TRAPPC9: variants seen among roughly 807,000 people sequenced by gnomAD.
TRAPPC9 encodes trafficking protein particle complex subunit 9.
A neutral mutation model predicts 124.0 loss-of-function variants in TRAPPC9; 83 were observed. The observed-to-expected ratio is 0.67, with a 90% CI of 0.56 to 0.80. TRAPPC9 has a LOEUF of 0.80. TRAPPC9 is among the 30% of genes least tolerant of loss of function. The pLI, the probability that TRAPPC9 is intolerant of heterozygous loss-of-function variation, is 0.00. For synonymous variants in TRAPPC9, 638 were observed against 617.5 expected (o/e 1.03, Z -0.49); for missense variants, 1,302 against 1,508.3 (o/e 0.86, Z 2.27).
intron 8 of TRAPPC9, 63 bp downstream of exon 8, chr8:140,370,901 G>T (rs1449102328): frequency 6.3e-7 from 1 of 1,586,516 alleles, no homozygotes; most frequent in African/African-American, 1.3e-5. Flanking sequence ...GGCAGGGGCT[G>T]AAACAGCATG....
chr8:139,854,901 A>G (rs531121675), intron 21 of TRAPPC9, among the ~76,000 whole-genome samples: 2 of 151,996 alleles, frequency 1.3e-5, no homozygotes, highest in Non-Finnish European at 2.9e-5. Flanking sequence ...GCCCCCTAAA[A>G]TCACCCAACC....
At chr8:140,138,878 G>A (rs1316662431) in intron 17 of TRAPPC9, among the ~76,000 whole-genome samples, 1 of 152,114 alleles carries the variant, frequency 6.6e-6, no homozygotes, top group Non-Finnish European at 1.5e-5. Context: ...CTAGGGAGTG[G>A]CCAATGTCTG....
At chr8:140,124,364 C>G (rs1053806121) in intron 17 of TRAPPC9, among the ~76,000 whole-genome samples, 1 of 152,178 alleles carries the variant, frequency 6.6e-6, no homozygotes, top group Admixed American at 6.5e-5. Context: ...ACAGCCCCTA[C>G]CCCTCTCTCT....
intron 19 of TRAPPC9, among the ~76,000 whole-genome samples, chr8:139,953,885 C>T (rs2131522144): frequency 6.6e-6 from 1 of 152,226 alleles, no homozygotes; most frequent in South Asian, 2.1e-4. Context: ...TAATGATATG[C>T]CACTACACAT....
intron 19 of TRAPPC9, among the ~76,000 whole-genome samples, chr8:139,937,943 C>G (rs987894781): frequency 4.6e-5 from 7 of 152,134 alleles, no homozygotes; most frequent in Admixed American, 4.6e-4. Context: ...ACAGAGACAC[C>G]TCCTCAGTGG....
At chr8:139,896,710 A>C (rs1830690996) in intron 20 of TRAPPC9, among the ~76,000 whole-genome samples, 4 of 152,234 alleles carry the variant, frequency 2.6e-5, no homozygotes, top group Admixed American at 2.6e-4. Context: ...CACTGGACAA[A>C]GATCCTGCTG....
At chr8:140,074,353 AG>A (rs1485542782) in intron 17 of TRAPPC9, among the ~76,000 whole-genome samples, 1 of 152,170 alleles carries the variant, frequency 6.6e-6, no homozygotes, top group Non-Finnish European at 1.5e-5. Context: ...TGTCACCCTA[AG>A]GAAGAAATGC....
rs1391733688 is a variant in TRAPPC9 at position 139,731,096 on chromosome 8, T to C, written c.3412A>G (p.Ser1138Gly). The change falls in exon 23 of 23, where the codon AGT (serine) becomes GGT (glycine). Residue 1138 changes from serine (S) to glycine (G), a missense_variant. This residue lies in a region of TRAPPC9 where 640 missense variants were observed against 679.3 expected (regional missense o/e 0.94). Transcript: ENST00000438773. The stretch of plus-strand genomic sequence containing the variant: ...GCCTCCAGGGCACACACGTGCACAC[T>C]GGGCAGGCAGAACCAAGAGGGTGGC... ...ELPPSWFCLP[S>G]VHVCALEAQA 1 of 1,613,648 alleles carries C rather than the reference T, an allele frequency of 6.2e-7. No homozygotes were observed. The highest frequency in any genetic ancestry group is 8.5e-7 in the Non-Finnish European group (1 of 1,180,008).
At chr8:140,231,142 C>G (rs1021173625) in intron 16 of TRAPPC9, among the ~76,000 whole-genome samples, 1 of 152,226 alleles carries the variant, frequency 6.6e-6, no homozygotes, top group African/African-American at 2.4e-5. Context: ...AATGAATGAG[C>G]TAATGTCATT....
At chr8:140,400,517 G>A (rs1427968166) in intron 6 of TRAPPC9, among the ~76,000 whole-genome samples, 4 of 152,200 alleles carry the variant, frequency 2.6e-5, no homozygotes, top group Non-Finnish European at 5.9e-5. Flanking sequence ...CCGGCTCCCT[G>A]TGTGCTCAAT....
At chr8:139,995,178 T>A (rs754623516) in intron 18 of TRAPPC9, among the ~76,000 whole-genome samples, 1 of 152,156 alleles carries the variant, frequency 6.6e-6, no homozygotes, top group African/African-American at 2.4e-5. Flanking sequence ...GTGAGCTGCA[T>A]CTCTCTCCAG....
At chr8:139,751,080 T>C (rs950341226) in intron 21 of TRAPPC9, among the ~76,000 whole-genome samples, 3 of 152,156 alleles carry the variant, frequency 2.0e-5, no homozygotes, top group African/African-American at 7.2e-5. Context: ...TCCTAGGGAA[T>C]GGCTGGCTGG....
chr8:140,071,775 C>T (rs1011746687), intron 17 of TRAPPC9, among the ~76,000 whole-genome samples: 5 of 152,186 alleles, frequency 3.3e-5, no homozygotes, highest in African/African-American at 4.8e-5. Context: ...GCTCATAAAA[C>T]GCACAAAAGC....
upstream of TRAPPC9, chr8:140,458,430 G>A (rs1235276818): frequency 5.1e-6 from 8 of 1,583,700 alleles, no homozygotes; most frequent in Non-Finnish European, 2.6e-6. Context: ...CCCCACGTGG[G>A]TGGGTGACCG....
chr8:139,955,795 C>T (rs994188856), intron 19 of TRAPPC9, among the ~76,000 whole-genome samples: 2 of 152,146 alleles, frequency 1.3e-5, no homozygotes, highest in Admixed American at 1.3e-4. Context: ...ATTCTGTGTC[C>T]ACTAACGTCG....
At chr8:140,169,841 G>C (rs959560556) in intron 17 of TRAPPC9, among the ~76,000 whole-genome samples, 2 of 152,034 alleles carry the variant, frequency 1.3e-5, no homozygotes, top group African/African-American at 2.4e-5. Context: ...GGGCTCAACT[G>C]ATCCTCCCAC....
At chr8:139,897,998 G>A (rs1456405174) in intron 20 of TRAPPC9, among the ~76,000 whole-genome samples, 1 of 152,250 alleles carries the variant, frequency 6.6e-6, no homozygotes, top group Non-Finnish European at 1.5e-5. Context: ...TCTGGGGGAC[G>A]ACGTAAGGCA....
At chr8:139,963,152 C>T (rs1179064213) in intron 19 of TRAPPC9, among the ~76,000 whole-genome samples, 1 of 152,130 alleles carries the variant, frequency 6.6e-6, no homozygotes, top group African/African-American at 2.4e-5. Flanking sequence ...TATCATGTAG[C>T]AAGGTTTAAT....
At chr8:139,918,793 T>A (rs780437845) in intron 19 of TRAPPC9, among the ~76,000 whole-genome samples, 4 of 152,238 alleles carry the variant, frequency 2.6e-5, no homozygotes, top group Non-Finnish European at 5.9e-5. Context: ...ATTCACCTAA[T>A]GCCACTGGCT....
Sources: allele counts gnomAD v4.1 joint callset (sites outside exome capture counted in the v4.1 genomes callset), GRCh38; gene constraint gnomAD v4.1.1; regional missense constraint gnomAD v4.1.1; transcripts MANE v1.5; gene names NCBI Gene and HGNC (gene_info 2026-07-23, HGNC 2026-07-21).